UFL1: variants seen among roughly 807,000 people sequenced by gnomAD.
UFL1 encodes the protein E3 UFM1-protein ligase 1.
UFL1 carries 78 observed loss-of-function variants against 99.3 expected under a neutral mutation model. The ratio of observed to expected loss-of-function variants is 0.79; its 90% CI spans 0.65 to 0.95. The LOEUF (loss-of-function observed/expected upper bound fraction) is 0.95. Ranked by LOEUF, UFL1 falls within the 40% of genes least tolerant of loss-of-function variation. The pLI is 0.00. For missense variants in UFL1, 936 were observed against 937.0 expected (o/e 1.00, Z 0.01); for synonymous variants, 335 against 322.2 (o/e 1.04, Z -0.42).
intron 11 of UFL1, 69 bp downstream of exon 11, chr6:96,540,724 T>C: frequency 6.5e-7 from 1 of 1,532,318 alleles, no homozygotes. Flanking sequence ...ATTTATCACA[T>C]TTATTATGCC....
intron 11 of UFL1, 84 bp from the exon 12 acceptor site, chr6:96,542,810 G>T: frequency 7.8e-7 from 1 of 1,284,780 alleles, no homozygotes; most frequent in Non-Finnish European, 1.0e-6. Flanking sequence ...CTGCTGTAAA[G>T]TTAAATACAA....
intron 12 of UFL1, among the ~76,000 whole-genome samples, chr6:96,544,929 GA>G (rs987944439): frequency 6.6e-5 from 10 of 150,620 alleles, no homozygotes; most frequent in Non-Finnish European, 8.9e-5. Flanking sequence ...CAATGCTTTT[GA>G]AAAAAAATTT....
At chr6:96,551,079 C>T (rs1229886421) in intron 15 of UFL1, among the ~76,000 whole-genome samples, 5 of 151,944 alleles carry the variant, frequency 3.3e-5, no homozygotes, top group Admixed American at 6.6e-5. Context: ...CATCCTTGAT[C>T]TTTATGAGTG....
In UFL1 at chr6:96,537,355, C is replaced by T; in HGVS notation, c.803-19C>T. 1 of 1,522,232 alleles carries T rather than the reference C, an allele frequency of 6.6e-7. No homozygotes were observed. The allele number at this position is 1,522,232 out of a possible 1,614,324, so 94.3% of individuals were successfully genotyped here. A position where few individuals can be genotyped will look rare whatever the true frequency, so the allele number is the denominator to read the frequency against. Reference sequence around the variant, plus strand: ...CATGTAATTGACAATTCTAATCCAACTTTGTGATATATTTGTAGAATTTGA... The same window carrying T: ...CATGTAATTGACAATTCTAATCCAATTTTGTGATATATTTGTAGAATTTGA... On this transcript the variant is annotated intron_variant, in intron 8 of 18. Transcript: ENST00000369278.
At chr6:96,533,765 A>G (rs1769815171) in intron 6 of UFL1, among the ~76,000 whole-genome samples, 1 of 148,642 alleles carries the variant, frequency 6.7e-6, no homozygotes. Flanking sequence ...AAAGAAATGC[A>G]TAGTCATTGC....
In UFL1 at chr6:96,551,451, A is replaced by C; in HGVS notation, c.1837A>C (p.Ser613Arg). The change falls in exon 16 of 19, where the codon AGT (serine) becomes CGT (arginine). Residue 613 changes from serine (S) to arginine (R), a missense_variant. By Grantham distance (110) the Ser-to-Arg change is moderately radical. Transcript: ENST00000369278. ...CCTACAGATAAGAAAGAAAATTTTAAGTAAATTATCAGAAGAAACCAAAGT... is the reference window on the plus strand; with the variant it reads ...CCTACAGATAAGAAAGAAAATTTTACGTAAATTATCAGAAGAAACCAAAGT... Reference protein sequence around the residue: ...ITSEIRKKILSKLSEETKVAL... With the variant: ...ITSEIRKKILRKLSEETKVAL... 1.3e-6 allele frequency: 2 copies of C among 1,521,504 alleles called. No individual in the cohort carries two copies. Among genetic ancestry groups the C allele is most frequent in the Non-Finnish European group, 1.8e-6 (2 of 1,125,992 alleles). The allele number at this position is 1,521,504 out of a possible 1,614,324, so 94.3% of individuals were successfully genotyped here.
In UFL1 at chr6:96,553,529, A is replaced by G. The variant is rs369221932; in HGVS notation, c.*26A>G. 2 of 1,601,092 alleles carry G rather than the reference A, an allele frequency of 1.2e-6. No homozygotes were observed. The highest frequency in any genetic ancestry group is 1.7e-6 in the Non-Finnish European group (2 of 1,172,738). On this transcript the variant is annotated 3_prime_UTR_variant, in exon 19 of 19. Coordinates refer to ENST00000369278, the MANE Select transcript of UFL1 (RefSeq NM_015323.5). Reference sequence around the variant, plus strand: ...TGATCTTAATTTACATTTGTCATATAGTAAGCATTTTCCCCCAAGGTTGAA... The same window carrying G: ...TGATCTTAATTTACATTTGTCATATGGTAAGCATTTTCCCCCAAGGTTGAA...
chr6:96,527,433 G>A (rs1330402397), intron 5 of UFL1, among the ~76,000 whole-genome samples: 1 of 151,304 alleles, frequency 6.6e-6, no homozygotes, highest in African/African-American at 2.4e-5. Flanking sequence ...CTCTCTTTAG[G>A]TATCTATCAC....
At position 96,537,549 on chromosome 6, in the gene UFL1, A is replaced by G. The variant is rs758150723; in HGVS notation, c.978A>G (p.Ala326=). The change falls in exon 9 of 19, where the codon GCA becomes GCG. Residue 326 remains alanine (A), a splice_region_variant and synonymous_variant. Transcript: ENST00000369278. The part of the protein sequence containing the change: ...AISSGTWVDI[A]PLLPTSLSVE... ...GCTCTGGAACATGGGTTGATATTGC[A>G]GTATGTTTTATCTTTTCCTCACTTT... is the stretch of plus-strand genomic sequence containing the variant. 4 of 1,577,580 alleles carry G rather than the reference A, an allele frequency of 2.5e-6. No homozygotes were observed. In the East Asian group the frequency reaches 9.2e-5, roughly 36 times the overall value.
Position 96,525,284 on chromosome 6 carries a change from A to T in UFL1, c.253-13A>T. 6.5e-7 allele frequency: 1 copy of T among 1,528,340 alleles called. No individual in the cohort carries two copies. The highest frequency in any genetic ancestry group is 9.0e-7 in the Non-Finnish European group (1 of 1,110,680). 94.7% of individuals were successfully genotyped at this position (1,528,340 alleles called of 1,614,324 possible). ...CAAACTAATCATTAATAGATTTTGT[A>T]TTTGTTTTCCAGGTAATTAATGTGG... On this transcript the variant is annotated splice_polypyrimidine_tract_variant and intron_variant, in intron 3 of 18. Transcript: ENST00000369278.
chr6:96,536,046 C>T (rs1310244263), intron 7 of UFL1, among the ~76,000 whole-genome samples, 198 bp from the exon 8 acceptor site: 1 of 151,920 alleles, frequency 6.6e-6, no homozygotes, highest in Admixed American at 6.6e-5. Flanking sequence ...CAAAACTTCC[C>T]TGAATTTATG....
Position 96,551,466 on chromosome 6 carries a change from G to A in UFL1, c.1852G>A (p.Glu618Lys). The change falls in exon 16 of 19, where the codon GAA becomes AAA. Residue 618 changes from glutamate to lysine, a missense_variant. Coordinates refer to ENST00000369278, the MANE Select transcript of UFL1 (RefSeq NM_015323.5). ...RKKILSKLSEETKVALTKLHN... is the reference protein window; with the variant it reads ...RKKILSKLSEKTKVALTKLHN... ...GAAAATTTTAAGTAAATTATCAGAA[G>A]AAACCAAAGTAGCTCTTACAAAACT... The A allele has an allele frequency of 6.5e-7, 1 of 1,537,174 alleles. No homozygotes were observed. The highest frequency in any genetic ancestry group is 8.8e-7 in the Non-Finnish European group (1 of 1,139,432).
At chr6:96,538,088 A>C (rs959221525) in intron 9 of UFL1, among the ~76,000 whole-genome samples, 3 of 151,888 alleles carry the variant, frequency 2.0e-5, no homozygotes, top group Non-Finnish European at 4.4e-5. Context: ...TTTGGATATG[A>C]AAGTCCCAAA....
chr6:96,531,169 G>A (rs994498950), intron 6 of UFL1, among the ~76,000 whole-genome samples: 14 of 152,304 alleles, frequency 9.2e-5, no homozygotes, highest in African/African-American at 1.9e-4. Context: ...ACCCGGGTCC[G>A]TGCAAAATTT....
intron 5 of UFL1, 70 bp from the exon 6 acceptor site, chr6:96,528,432 A>G: frequency 6.5e-7 from 1 of 1,541,988 alleles, no homozygotes; most frequent in Non-Finnish European, 8.8e-7. Context: ...TGACTTGAGT[A>G]TGACTATGCA....
chr6:96,533,379 A>C (rs2127950266), intron 6 of UFL1, among the ~76,000 whole-genome samples: 1 of 152,212 alleles, frequency 6.6e-6, no homozygotes, highest in South Asian at 2.1e-4. Flanking sequence ...TGAGTATATA[A>C]ACAAAATGTG....
chr6:96,551,222 T>TGGAGCAGGTGGGAGGAGCAGGTGGGA (rs3832390), intron 15 of UFL1, among the ~76,000 whole-genome samples: 1 of 151,716 alleles, frequency 6.6e-6, no homozygotes, highest in South Asian at 2.1e-4. Context: ...CTTACATTGA[T>TGGAGCAGGTGGGAGGAGCAGGTGGGA]GGAGCAGGTG....
At chr6:96,545,222 G>A (rs945292790) in intron 12 of UFL1, among the ~76,000 whole-genome samples, 1 of 150,820 alleles carries the variant, frequency 6.6e-6, no homozygotes, top group South Asian at 2.1e-4. Context: ...ATTTTTATTT[G>A]TAAAGTTTTT....
At chr6:96,547,250 G>A (rs1032955185) in intron 12 of UFL1, among the ~76,000 whole-genome samples, 1 of 151,572 alleles carries the variant, frequency 6.6e-6, no homozygotes, top group Non-Finnish European at 1.5e-5. Context: ...TCAGAGAAAT[G>A]CAAACTAAAA....
Sources: allele counts gnomAD v4.1 joint callset (sites outside exome capture counted in the v4.1 genomes callset), GRCh38; gene constraint gnomAD v4.1.1; transcripts MANE v1.5; gene names NCBI Gene and HGNC (gene_info 2026-07-23, HGNC 2026-07-21).